HACD3: variants seen among roughly 807,000 people sequenced by gnomAD.
HACD3 encodes the protein very-long-chain (3R)-3-hydroxyacyl-CoA dehydratase 3.
In HACD3, 30 loss-of-function variants were observed where a neutral mutation model predicts 55.2. The ratio of observed to expected loss-of-function variants is 0.54; its 90% CI spans 0.41 to 0.74. The LOEUF is 0.74. Among genes scored for constraint, HACD3 ranks in the 30% least tolerant of loss-of-function variants. HACD3 has a pLI of 0.00. For missense variants in HACD3, 363 were observed against 440.1 expected, an observed-to-expected ratio of 0.82 and a Z score of 1.57; for synonymous variants, 141 against 151.7, an observed-to-expected ratio of 0.93 and a Z score of 0.52.
chr15:65,576,965 A>G lies in HACD3; in HGVS notation c.*586A>G, dbSNP rs1275608646. The G allele has an allele frequency of 2.0e-5, 3 of 152,562 alleles. No homozygotes were observed. Among genetic ancestry groups the G allele is most frequent in the Non-Finnish European group, 4.4e-5 (3 of 68,338 alleles). 9.5% of individuals were successfully genotyped at this position (152,562 alleles called of 1,614,324 possible). A position where few individuals can be genotyped will look rare whatever the true frequency, so the allele number is the denominator to read the frequency against. On this transcript the variant is annotated 3_prime_UTR_variant, in exon 11 of 11. Coordinates refer to ENST00000261875, the MANE Select transcript of HACD3 (RefSeq NM_016395.4). ...ATCTGACATCCTTTGGCCTAACAAC[A>G]TCTATTATTATAGTGCTCAGCAGTG...
chr15:65,537,953 AAAAAAATATATATATATATATATATAT>A (rs1313799105), intron 1 of HACD3, among the ~76,000 whole-genome samples: 737 of 13,910 alleles, frequency 0.053, 27 homozygotes, highest in East Asian at 0.15. Context: ...AAAAAAAAAA[AAAAAAATATATATATATATATATATAT>A]ATATATATAT....
chr15:65,536,030 T>C (rs1244210448), intron 1 of HACD3, among the ~76,000 whole-genome samples: 2 of 151,932 alleles, frequency 1.3e-5, no homozygotes, highest in African/African-American at 4.8e-5. Flanking sequence ...TATTTATTTA[T>C]TTTTGAGACA....
intron 5 of HACD3, among the ~76,000 whole-genome samples, chr15:65,560,972 G>T (rs2072239152): frequency 6.6e-6 from 1 of 152,180 alleles, no homozygotes; most frequent in Admixed American, 6.5e-5. Flanking sequence ...TCTGAGGGCA[G>T]CCTTGAACTA....
intron 5 of HACD3, among the ~76,000 whole-genome samples, chr15:65,559,728 C>G (rs573830144): frequency 6.6e-5 from 10 of 151,854 alleles, no homozygotes; most frequent in Non-Finnish European, 1.2e-4. Context: ...AATATTCTTT[C>G]AGGAAAGCCG....
intron 4 of HACD3, among the ~76,000 whole-genome samples, chr15:65,557,939 GTTT>G (rs11360331): frequency 6.3e-5 from 7 of 110,384 alleles, no homozygotes; most frequent in East Asian, 2.7e-4. Flanking sequence ...TTATGGGACT[GTTT>G]TTTTTTTTTT....
At position 65,558,671 on chromosome 15, in the gene HACD3, A is replaced by G. The variant is rs1268950638; in HGVS notation, c.370-9A>G. 1.9e-6 allele frequency: 3 copies of G among 1,589,702 alleles called. No individual in the cohort carries two copies. The highest frequency in any genetic ancestry group is 2.6e-6 in the Non-Finnish European group (3 of 1,167,570). ...TTGTGTTCTTGGAAAACTTTTGTCT[A>G]AATTCTAGGAAGAAGAGCGCCTAAA... On this transcript the variant is annotated splice_polypyrimidine_tract_variant and intron_variant, in intron 4 of 10. Transcript: ENST00000261875.
intron 1 of HACD3, among the ~76,000 whole-genome samples, chr15:65,538,468 G>C (rs1567330803): frequency 6.6e-6 from 1 of 152,172 alleles, no homozygotes; most frequent in African/African-American, 2.4e-5. Flanking sequence ...ACTGAATGCA[G>C]CAATCTCATG....
In HACD3 at chr15:65,530,528, A is replaced by G. The variant is rs2071885084; in HGVS notation, c.-104A>G. 5 of 1,038,956 alleles carry G rather than the reference A, an allele frequency of 4.8e-6. No individual in the cohort carries two copies. Among genetic ancestry groups the G allele is most frequent in the Non-Finnish European group, 6.8e-6 (5 of 732,852 alleles). 64.4% of individuals were successfully genotyped at this position (1,038,956 alleles called of 1,614,324 possible). ...AGGTGCCGGGTTGCAGGCGCTCAGGAGCGCTAGGGTTTGAGGCCTGCTTTC... is the reference window on the plus strand; with the variant it reads ...AGGTGCCGGGTTGCAGGCGCTCAGGGGCGCTAGGGTTTGAGGCCTGCTTTC... On this transcript the variant is annotated 5_prime_UTR_variant, in exon 1 of 11. Transcript: ENST00000261875.
chr15:65,574,067 A>G (rs996934359), intron 10 of HACD3, among the ~76,000 whole-genome samples: 2 of 152,240 alleles, frequency 1.3e-5, no homozygotes, highest in Non-Finnish European at 2.9e-5. Context: ...CAACAATAGT[A>G]TATTAGTTCT....
intron 1 of HACD3, among the ~76,000 whole-genome samples, chr15:65,548,426 T>A (rs2141211029): frequency 6.7e-6 from 1 of 149,748 alleles, no homozygotes; most frequent in South Asian, 2.1e-4. Context: ...GGTGGGAGGA[T>A]CCTTGAGCCT....
At chr15:65,545,759 A>ATT (rs34144693) in intron 1 of HACD3, among the ~76,000 whole-genome samples, 3,117 of 151,972 alleles carry the variant, frequency 0.021, 66 homozygotes, top group African/African-American at 0.054. Context: ...CCGATTCTGG[A>ATT]TTTTTTTAAA....
rs1173318876 is a variant in HACD3, at chr15:65,576,789, A to G, written c.*410A>G. 5.9e-6 allele frequency: 1 copy of G among 168,990 alleles called. No homozygotes were observed. The highest frequency in any genetic ancestry group is 1.3e-5 in the Non-Finnish European group (1 of 79,276). The allele number at this position is 168,990 out of a possible 1,614,324, so 10.5% of individuals were successfully genotyped here. On this transcript the variant is annotated 3_prime_UTR_variant, in exon 11 of 11. Coordinates refer to ENST00000261875, the MANE Select transcript of HACD3 (RefSeq NM_016395.4). ...AAAAAGCAAGACTATGTCACTCTAT[A>G]GAAGGCTGTTAAAGTGACTCAGGCA...
At chr15:65,539,787 A>C (rs2072001717) in intron 1 of HACD3, among the ~76,000 whole-genome samples, 2 of 151,822 alleles carry the variant, frequency 1.3e-5, no homozygotes, top group South Asian at 4.2e-4. Flanking sequence ...AATGAATGAA[A>C]CAGAACCATC....
intron 10 of HACD3, among the ~76,000 whole-genome samples, chr15:65,573,820 TAAA>T (rs1032295541): frequency 6.6e-6 from 1 of 152,082 alleles, no homozygotes; most frequent in Non-Finnish European, 1.5e-5. Context: ...ACTAAGAACA[TAAA>T]AACAGAATGA....
chr15:65,568,265 G>A (rs1423149382), intron 7 of HACD3, among the ~76,000 whole-genome samples: 2 of 151,960 alleles, frequency 1.3e-5, no homozygotes, highest in Non-Finnish European at 2.9e-5. Flanking sequence ...GAGTTGTGGA[G>A]ATGGATGGTG....
chr15:65,562,933 C>G, intron 6 of HACD3, 49 bp downstream of exon 6: 1 of 1,595,692 alleles, frequency 6.3e-7, no homozygotes, highest in Non-Finnish European at 8.5e-7. Flanking sequence ...GTAGTTTGGC[C>G]CAGTATTCAC....
At chr15:65,572,119 A>G (rs2072354005) in intron 9 of HACD3, 116 bp from the exon 10 acceptor site, 1 of 1,337,308 alleles carries the variant, frequency 7.5e-7, no homozygotes, top group Non-Finnish European at 1.0e-6. Flanking sequence ...CAAAGGGAGG[A>G]GAAAGCCTTT....
intron 1 of HACD3, among the ~76,000 whole-genome samples, chr15:65,540,367 T>C (rs1320620715): frequency 2.6e-5 from 4 of 152,182 alleles, no homozygotes; most frequent in Non-Finnish European, 5.9e-5. Context: ...AATAAATAAT[T>C]ACCTAGATAA....
chr15:65,547,375 A>G (rs1182493433), intron 1 of HACD3, among the ~76,000 whole-genome samples: 3 of 152,202 alleles, frequency 2.0e-5, no homozygotes, highest in African/African-American at 7.2e-5. Flanking sequence ...TTGGCCTCCC[A>G]AAGTGCTGGG....
Sources: gnomAD v4.1 joint callset for allele counts (sites outside exome capture counted in the v4.1 genomes callset) on GRCh38, gnomAD v4.1.1 for gene constraint, MANE v1.5 for transcripts, NCBI Gene and HGNC (gene_info 2026-07-23, HGNC 2026-07-21) for gene names.